Variants in ADAM12 observed in about 807,000 individuals in gnomAD.
ADAM12 encodes the protein ADAM metallopeptidase domain 12.
ADAM12 carries 70 observed loss-of-function variants against 106.4 expected under a neutral mutation model. That is an observed-to-expected ratio of 0.66 (90% CI 0.54 to 0.80). ADAM12 has a LOEUF of 0.80. ADAM12 is among the 30% of genes least tolerant of loss of function. ADAM12 has a pLI of 0.00. For missense variants in ADAM12, 1,010 were observed against 1,171.9 expected (o/e 0.86, Z 2.02); for synonymous variants, 420 against 433.5 (o/e 0.97, Z 0.39).
At chr10:126,330,542 C>T (rs1473166893) in intron 1 of ADAM12, 33 bp from the exon 2 acceptor site, 2 of 1,580,298 alleles carry the variant, frequency 1.3e-6, no homozygotes, top group Non-Finnish European at 1.7e-6. Flanking sequence ...CTATATTTCA[C>T]TCTAGTCAGG....
intron 16 of ADAM12, 108 bp from the exon 17 acceptor site, chr10:126,046,240 A>C (rs1565009472): frequency 6.1e-6 from 6 of 978,764 alleles, no homozygotes; most frequent in Middle Eastern, 4.1e-4. Flanking sequence ...AGCTTGGAGA[A>C]GACCCAACCT....
chr10:126,209,475 C>A (rs1226687002), intron 3 of ADAM12, among the ~76,000 whole-genome samples: 1 of 152,118 alleles, frequency 6.6e-6, no homozygotes, highest in African/African-American at 2.4e-5. Flanking sequence ...AAAAATAAAT[C>A]ACTGGGGTGT....
chr10:126,177,070 G>A (rs563825073), intron 3 of ADAM12, among the ~76,000 whole-genome samples: 1 of 150,340 alleles, frequency 6.7e-6, no homozygotes, highest in African/African-American at 2.5e-5. Context: ...ACACACACAC[G>A]GTTTCCTGGT....
chr10:126,156,528 G>A (rs913655794), intron 3 of ADAM12, among the ~76,000 whole-genome samples: 7 of 152,194 alleles, frequency 4.6e-5, no homozygotes, highest in African/African-American at 1.4e-4. Context: ...CTCACACCCT[G>A]AGGAGCGTAA....
At chr10:126,041,795 T>C in intron 18 of ADAM12, 1 of 1,125,520 alleles carries the variant, frequency 8.9e-7, no homozygotes, top group African/African-American at 1.6e-5. Flanking sequence ...CTGTGGAGGC[T>C]CAGTGAAAGG....
At chr10:126,121,060 T>C (rs2133630537) in intron 5 of ADAM12, among the ~76,000 whole-genome samples, 1 of 112,596 alleles carries the variant, frequency 8.9e-6, no homozygotes, top group Admixed American at 1.2e-4. Flanking sequence ...TTATATGCAA[T>C]ATAATTAAAT....
At chr10:126,132,347 T>C (rs1956321065) in intron 5 of ADAM12, among the ~76,000 whole-genome samples, 1 of 152,182 alleles carries the variant, frequency 6.6e-6, no homozygotes, top group Non-Finnish European at 1.5e-5. Context: ...CTTCAACACA[T>C]GACCTTTGAA....
At chr10:126,172,870 A>G (rs1053485756) in intron 3 of ADAM12, among the ~76,000 whole-genome samples, 1 of 152,234 alleles carries the variant, frequency 6.6e-6, no homozygotes, top group African/African-American at 2.4e-5. Flanking sequence ...ATGCCCATCA[A>G]TGATAGACTG....
intron 2 of ADAM12, among the ~76,000 whole-genome samples, chr10:126,322,592 G>A (rs1285022812): frequency 6.6e-6 from 1 of 152,214 alleles, no homozygotes; most frequent in Non-Finnish European, 1.5e-5. Flanking sequence ...AGTGATAGGA[G>A]GACCCGGTGA....
intron 2 of ADAM12, among the ~76,000 whole-genome samples, chr10:126,297,341 G>A (rs971060964): frequency 5.3e-5 from 8 of 152,236 alleles, no homozygotes; most frequent in African/African-American, 1.9e-4. Flanking sequence ...ACAGCAATTC[G>A]AGACCAGCCT....
In ADAM12 at chr10:126,163,411, A is replaced by T. The variant is rs565922652; in HGVS notation, c.261-8106T>A. Among the ~76,000 whole-genome samples, 7 of 152,332 alleles carry T rather than the reference A, an allele frequency of 4.6e-5. No homozygotes were observed. The East Asian group carries it at 1.2e-3, about 25-fold the overall frequency. On this transcript the variant is annotated intron_variant, in intron 3 of 22. Transcript: ENST00000448723. Reference sequence around the variant, plus strand: ...TTCTGATTTCAAAATCTTTGGACATACTGGCTGAAAACGAGTATTTAGAAT... The same window carrying T: ...TTCTGATTTCAAAATCTTTGGACATTCTGGCTGAAAACGAGTATTTAGAAT...
intron 5 of ADAM12, among the ~76,000 whole-genome samples, chr10:126,128,487 C>T (rs1260321615): frequency 6.6e-6 from 1 of 152,260 alleles, no homozygotes; most frequent in East Asian, 1.9e-4. Flanking sequence ...GTATGACCTA[C>T]TGCAACTATC....
chr10:126,226,031 G>A (rs1958187539), intron 3 of ADAM12, among the ~76,000 whole-genome samples: 1 of 151,644 alleles, frequency 6.6e-6, no homozygotes, highest in African/African-American at 2.4e-5. Flanking sequence ...AGCAGGGACA[G>A]GCATCTTATG....
intron 14 of ADAM12, among the ~76,000 whole-genome samples, chr10:126,061,810 A>G (rs1954761325): frequency 6.6e-6 from 1 of 152,216 alleles, no homozygotes; most frequent in South Asian, 2.1e-4. Flanking sequence ...CCTTGCCAGT[A>G]TCTTGATTTC....
intron 3 of ADAM12, among the ~76,000 whole-genome samples, chr10:126,238,244 C>T (rs112051673): frequency 0.035 from 5,388 of 152,278 alleles, 356 homozygotes; most frequent in African/African-American, 0.12. Flanking sequence ...CATTGTGAGG[C>T]CAAGGCAGGT....
chr10:126,267,595 C>T (rs1959123647), intron 3 of ADAM12, among the ~76,000 whole-genome samples: 1 of 152,122 alleles, frequency 6.6e-6, no homozygotes, highest in Non-Finnish European at 1.5e-5. Context: ...GAATCTAATG[C>T]CGCCACTGAT....
chr10:126,126,844 T>G (rs964863747), intron 5 of ADAM12, among the ~76,000 whole-genome samples: 6 of 151,022 alleles, frequency 4.0e-5, no homozygotes, highest in Admixed American at 6.6e-5. Flanking sequence ...GGGGTCAGGC[T>G]TATAGACTCG....
At chr10:126,044,008 A>C (rs1954248479) in intron 17 of ADAM12, among the ~76,000 whole-genome samples, 1 of 152,198 alleles carries the variant, frequency 6.6e-6, no homozygotes, top group Admixed American at 6.5e-5. Flanking sequence ...AGGGCTACTG[A>C]TGGCGGCCAC....
intron 21 of ADAM12, among the ~76,000 whole-genome samples, chr10:126,027,641 G>T (rs1331205251): frequency 6.6e-6 from 1 of 152,128 alleles, no homozygotes; most frequent in Non-Finnish European, 1.5e-5. Context: ...AATAGATGCA[G>T]AAAAAGTCTT....
Sources: allele counts gnomAD v4.1 joint callset (sites outside exome capture counted in the v4.1 genomes callset), GRCh38; gene constraint gnomAD v4.1.1; transcripts MANE v1.5; gene names NCBI Gene and HGNC (gene_info 2026-07-23, HGNC 2026-07-21).